POLR3K: variants seen among roughly 807,000 people sequenced by gnomAD.
POLR3K encodes the protein RNA polymerase III subunit K.
A neutral mutation model predicts 13.5 loss-of-function variants in POLR3K; 11 were observed. The observed-to-expected ratio is 0.81, with a 90% CI of 0.51 to 1.35. POLR3K has a LOEUF of 1.35. Ranked by LOEUF, POLR3K falls within the 40% of genes most tolerant of loss-of-function variation. The probability of loss-of-function intolerance (pLI) is 0.00; values close to 1 mark genes in which losing one functional copy is unlikely to be tolerated. For missense variants in POLR3K, 144 were observed against 145.3 expected, an observed-to-expected ratio of 0.99 and a Z score of 0.05; for synonymous variants, 56 against 51.5, an observed-to-expected ratio of 1.09 and a Z score of -0.38.
intron 1 of POLR3K, chr16:51,963 T>A (rs1402749558): frequency 2.8e-5 from 6 of 215,096 alleles, no homozygotes; most frequent in Admixed American, 1.2e-4. Flanking sequence ...GAGCTTGCAG[T>A]GAGCCGAGAT....
chr16:53,576 A>T lies in POLR3K; in HGVS notation c.11T>A (p.Phe4Tyr). 6.2e-7 allele frequency: 1 copy of T among 1,612,648 alleles called. No individual in the cohort carries two copies. Among genetic ancestry groups the T allele is most frequent in the Non-Finnish European group, 8.5e-7 (1 of 1,179,504 alleles). Residue 4 changes from phenylalanine (F) to tyrosine (Y), a missense_variant, in exon 1 of 3, where the codon TTC (phenylalanine) becomes TAC (tyrosine). Coordinates refer to ENST00000293860, the MANE Select transcript of POLR3K (RefSeq NM_016310.5). MLL[F>Y]CPGCGNGLIV... ...CAGCCCGTTCCCGCAGCCGGGGCAG[A>T]ACAGCAGCATGGTCTCGAACTCCGC...
Position 46,757 on chromosome 16 carries a change from A to AAATAAAT in POLR3K, c.*666_*672dup, listed in dbSNP as rs1897287086. On this transcript the variant is annotated 3_prime_UTR_variant, in exon 3 of 3. Transcript: ENST00000293860. ...AAATAAATAAATAAAATAAATAAAT[A>AAATAAAT]AATAAATAGTATCTTATACATTTAA... is the stretch of plus-strand genomic sequence containing the variant. 10 of 151,836 alleles carry AAATAAAT rather than the reference A, an allele frequency of 6.6e-5. No individual in the cohort carries two copies. Among genetic ancestry groups the AAATAAAT allele is most frequent in the Admixed American group, 2.0e-4 (3 of 15,278 alleles). 9.4% of individuals were successfully genotyped at this position (151,836 alleles called of 1,614,324 possible). A position where few individuals can be genotyped will look rare whatever the true frequency, so the allele number is the denominator to read the frequency against.
chr16:47,276 C>G lies in POLR3K; in HGVS notation c.*154G>C. On this transcript the variant is annotated 3_prime_UTR_variant, in exon 3 of 3. Transcript: ENST00000293860. ...CATCCACCCTGCCTGGCAGATAGGCCATATTTCCTGACCCCCTGGCTCTTC... is the reference window on the plus strand; with the variant it reads ...CATCCACCCTGCCTGGCAGATAGGCGATATTTCCTGACCCCCTGGCTCTTC... 1 of 959,398 alleles carries G rather than the reference C, an allele frequency of 1.0e-6. No individual in the cohort carries two copies. Among genetic ancestry groups the G allele is most frequent in the East Asian group, 2.9e-5 (1 of 34,186 alleles). 59.4% of individuals were successfully genotyped at this position (959,398 alleles called of 1,614,324 possible).
In POLR3K at chr16:53,470, T is replaced by G. The variant is rs778253811; in HGVS notation, c.111+6A>C. ...CCCGCGCCCAGCGCCGGCCTTCGGGTCCCACCTTGCGGGTGATGTTGTGCA... is the reference window on the plus strand; with the variant it reads ...CCCGCGCCCAGCGCCGGCCTTCGGGGCCCACCTTGCGGGTGATGTTGTGCA... On this transcript the variant is annotated splice_donor_region_variant and intron_variant, in intron 1 of 2. Transcript: ENST00000293860. 3.1e-5 allele frequency: 49 copies of G among 1,606,510 alleles called. No homozygotes were observed. The South Asian group carries it at 5.0e-4, about 16-fold the overall frequency.
chr16:51,517 A>T, intron 2 of POLR3K, 41 bp downstream of exon 2: 1 of 1,530,872 alleles, frequency 6.5e-7, no homozygotes, highest in Admixed American at 1.7e-5. Context: ...CAGCCTCATA[A>T]TTATCCACAG....
chr16:51,485 C>G, intron 2 of POLR3K, 73 bp downstream of exon 2: 1 of 1,176,374 alleles, frequency 8.5e-7, no homozygotes, highest in East Asian at 2.4e-5. Context: ...ACATCATAGA[C>G]TCTGCCAAGC....
chr16:52,835 A>G (rs1214003331), intron 1 of POLR3K, among the ~76,000 whole-genome samples: 1 of 151,896 alleles, frequency 6.6e-6, no homozygotes, highest in Non-Finnish European at 1.5e-5. Flanking sequence ...TACATTACAT[A>G]ATATATTAGA....
In POLR3K at chr16:47,553, C is replaced by T. The variant is rs753735821; in HGVS notation, c.204G>A (p.Ser68=). 104 of 1,611,732 alleles carry T rather than the reference C, an allele frequency of 6.5e-5. No individual in the cohort carries two copies. The highest frequency in any genetic ancestry group is 1.1e-4 in the East Asian group (5 of 44,782). The part of the protein sequence containing the change: ...AWENVDSTAE[S]CPKCEHPRAY... ...CACGAGGATGTTCGCATTTGGGACA[C>T]GACTCTGGCAATGAGAAAAAAGAAG... Residue 68 remains serine (S), a synonymous_variant, in exon 3 of 3, where the codon TCG becomes TCA. Transcript: ENST00000293860.
chr16:47,483 T>A lies in POLR3K; in HGVS notation c.274A>T (p.Thr92Ser). The change falls in exon 3 of 3, where the codon ACC becomes TCC. Residue 92 changes from threonine (T) to serine (S), a missense_variant. Physicochemically the swap from Thr to Ser is moderately conservative, Grantham distance 58. Transcript: ENST00000293860. ...LQTRSADEPM[T>S]TFYKCCNAQC... ...GCATTGCAGCACTTGTAGAAGGTGG[T>A]CATCGGCTCATCTGCAGAGCGGGTC... is the stretch of plus-strand genomic sequence containing the variant. 2 of 1,613,726 alleles carry A rather than the reference T, an allele frequency of 1.2e-6. No homozygotes were observed. The highest frequency in any genetic ancestry group is 1.7e-6 in the Non-Finnish European group (2 of 1,179,782).
chr16:53,191 C>A, intron 1 of POLR3K: 1 of 434,010 alleles, frequency 2.3e-6, no homozygotes, highest in East Asian at 4.2e-5. Flanking sequence ...TTTCTGCGCA[C>A]AGCACGGACC....
chr16:51,304 C>G (rs1031421934), intron 2 of POLR3K, among the ~76,000 whole-genome samples: 1 of 152,018 alleles, frequency 6.6e-6, no homozygotes, highest in Non-Finnish European at 1.5e-5. Flanking sequence ...TCAAGAGACC[C>G]AAGGAAGGTC....
rs201123190 is a variant in POLR3K, at chr16:53,500, G to A, written c.87C>T (p.Pro29=). The part of the protein sequence containing the change: ...RCHRFACNTC[P]YVHNITRKVT... ...CCTTGCGGGTGATGTTGTGCACGTA[G>A]GGGCACGTGTTGCAGGCGAAGCGGT... Residue 29 remains proline (P), a synonymous_variant, in exon 1 of 3, where the codon CCC becomes CCT. Transcript: ENST00000293860. 1.5e-5 allele frequency: 24 copies of A among 1,612,800 alleles called. No homozygotes were observed. The Admixed American group carries it at 3.8e-4, about 26-fold the overall frequency.
chr16:50,292 C>T (rs1394647150), intron 2 of POLR3K, among the ~76,000 whole-genome samples: 1 of 152,110 alleles, frequency 6.6e-6, no homozygotes, highest in African/African-American at 2.4e-5. Context: ...AACCACAGTA[C>T]TAACCATCAG....
At chr16:50,883 AC>A (rs1897325135) in intron 2 of POLR3K, among the ~76,000 whole-genome samples, 5 of 152,230 alleles carry the variant, frequency 3.3e-5, no homozygotes, top group Non-Finnish European at 7.3e-5. Context: ...CAGGAAACCT[AC>A]AATCATGGCG....
In POLR3K at chr16:53,562, C is replaced by T; in HGVS notation, c.25G>A (p.Gly9Arg). 1 of 1,613,142 alleles carries T rather than the reference C, an allele frequency of 6.2e-7. No individual in the cohort carries two copies. Among genetic ancestry groups the T allele is most frequent in the South Asian group, 1.1e-5 (1 of 91,038 alleles). MLLFCPGC[G>R]NGLIVEEGQR... ...CCCTCCTCCACGATCAGCCCGTTCC[C>T]GCAGCCGGGGCAGAACAGCAGCATG... The change falls in exon 1 of 3, where the codon GGG becomes AGG. Residue 9 changes from glycine to arginine, a missense_variant. Gly to Arg is a moderately radical substitution (Grantham distance 125). Transcript: ENST00000293860.
chr16:48,266 G>A (rs1010480170), intron 2 of POLR3K, among the ~76,000 whole-genome samples: 9 of 151,842 alleles, frequency 5.9e-5, no homozygotes, highest in Non-Finnish European at 1.0e-4. Context: ...TCTACAAACA[G>A]TGATGTCATT....
In POLR3K at chr16:46,987, C is replaced by G. The variant is rs798674; in HGVS notation, c.*443G>C. On this transcript the variant is annotated 3_prime_UTR_variant, in exon 3 of 3. Coordinates refer to ENST00000293860, the MANE Select transcript of POLR3K (RefSeq NM_016310.5). Reference sequence around the variant, plus strand: ...TTTAAAACACTGAGAAGGCAATATTCCAACTTTCATTTAAATGAAATATTC... The same window carrying G: ...TTTAAAACACTGAGAAGGCAATATTGCAACTTTCATTTAAATGAAATATTC... 0.46 allele frequency: 70,125 copies of G among 151,972 alleles called. 16,851 individuals carry two copies. Among genetic ancestry groups the G allele is most frequent in the African/African-American group, 0.58 (24,126 of 41,362 alleles). 9.4% of individuals were successfully genotyped at this position (151,972 alleles called of 1,614,324 possible).
At chr16:49,758 G>A (rs1897315970) in intron 2 of POLR3K, among the ~76,000 whole-genome samples, 2 of 151,490 alleles carry the variant, frequency 1.3e-5, no homozygotes, top group African/African-American at 2.4e-5. Flanking sequence ...TCCTGTCTCA[G>A]CCTCCCAAGT....
chr16:47,185 G>T lies in POLR3K; in HGVS notation c.*245C>A. 3.0e-6 allele frequency: 1 copy of T among 331,708 alleles called. No individual in the cohort carries two copies. The highest frequency in any genetic ancestry group is 5.6e-6 in the Non-Finnish European group (1 of 177,286). The allele number at this position is 331,708 out of a possible 1,614,324, so 20.5% of individuals were successfully genotyped here. A position where few individuals can be genotyped will look rare whatever the true frequency, so the allele number is the denominator to read the frequency against. On this transcript the variant is annotated 3_prime_UTR_variant, in exon 3 of 3. Transcript: ENST00000293860. ...AGATGAAAGAATAGGACTTTACACAGAGCATATTTAGTTATGGGTCTCTGT... is the reference window on the plus strand; with the variant it reads ...AGATGAAAGAATAGGACTTTACACATAGCATATTTAGTTATGGGTCTCTGT...
Sources: allele counts gnomAD v4.1 joint callset (sites outside exome capture counted in the v4.1 genomes callset), GRCh38; gene constraint gnomAD v4.1.1; transcripts MANE v1.5; gene names NCBI Gene and HGNC (gene_info 2026-07-23, HGNC 2026-07-21).